Variants in OSBPL1A observed in about 807,000 individuals in gnomAD.
The protein encoded by OSBPL1A is oxysterol binding protein like 1A.
Under a neutral mutation model 137.1 loss-of-function variants are expected in OSBPL1A, and 80 were observed. That is an observed-to-expected ratio of 0.58 (90% CI 0.49 to 0.70). OSBPL1A has a LOEUF of 0.70. Ranked by LOEUF, OSBPL1A falls within the 30% of genes least tolerant of loss-of-function variation. The pLI is 0.00. For synonymous variants in OSBPL1A, 365 were observed against 389.7 expected, an observed-to-expected ratio of 0.94 and a Z score of 0.75; for missense variants, 970 against 1,129.4, an observed-to-expected ratio of 0.86 and a Z score of 2.02.
intron 18 of OSBPL1A, among the ~76,000 whole-genome samples, chr18:24,184,693 A>G (rs1447630870): frequency 6.6e-6 from 1 of 152,184 alleles, no homozygotes; most frequent in African/African-American, 2.4e-5. Flanking sequence ...GGAAACGGAC[A>G]CTATCTTATA....
intron 17 of OSBPL1A, among the ~76,000 whole-genome samples, chr18:24,208,379 C>T (rs756334736): frequency 3.9e-5 from 6 of 152,068 alleles, no homozygotes; most frequent in Non-Finnish European, 5.9e-5. Flanking sequence ...GCAGAAAAGC[C>T]TAGCAATCTC....
intron 2 of OSBPL1A, chr18:24,368,617 G>A (rs1488961404): frequency 2.8e-6 from 1 of 357,352 alleles, no homozygotes; most frequent in Non-Finnish European, 5.2e-6. Context: ...GACAGGACGG[G>A]GGTTACATTC....
rs974796308 is a variant in OSBPL1A, at chr18:24,188,283, C to T, written c.1678-7004G>A. ...ACTGCCATTTCTCCACATCCAGCTC[C>T]GTGGGAAAACACAGCACGGCAGGAT... is the stretch of plus-strand genomic sequence containing the variant. On this transcript the variant is annotated intron_variant, in intron 18 of 27. Transcript: ENST00000319481. Among the ~76,000 whole-genome samples the T allele has an allele frequency of 4.6e-5, 7 of 152,190 alleles. No homozygotes were observed. In the East Asian group the frequency reaches 9.6e-4, roughly 21 times the overall value.
In OSBPL1A at chr18:24,182,819, T is replaced by G. The variant is rs116627827; in HGVS notation, c.1678-1540A>C. On this transcript the variant is annotated intron_variant, in intron 18 of 27. Coordinates refer to ENST00000319481, the MANE Select transcript of OSBPL1A (RefSeq NM_080597.4). ...TACTGGGGACAAGTCAGAAAAACTG[T>G]GACTGCTAAGGCTTGTCTTAATTGA... Among the ~76,000 whole-genome samples the G allele has an allele frequency of 6.3e-3, 957 of 152,250 alleles. 19 individuals carry two copies. Among genetic ancestry groups the G allele is most frequent in the African/African-American group, 0.022 (909 of 41,562 alleles).
intron 13 of OSBPL1A, among the ~76,000 whole-genome samples, chr18:24,304,212 T>C (rs1174326792): frequency 1.3e-5 from 2 of 152,122 alleles, no homozygotes; most frequent in African/African-American, 4.8e-5. Flanking sequence ...CCCCACATCA[T>C]CAAACCAAAA....
chr18:24,178,187 A>T lies in OSBPL1A; in HGVS notation c.1919T>A (p.Leu640His). ...CTGTTCGGAGATGAGTCTAAATCCA[A>T]GGTCATCTCTTAAGATTTAAAAAAA... ...GETYELVRDD[L>H]GFRLISEQVS... The change falls in exon 21 of 28, where the codon CTT becomes CAT. Residue 640 changes from leucine (L) to histidine (H), a missense_variant. Leu to His is a moderately conservative substitution (Grantham distance 99). This residue lies in a region of OSBPL1A where 323 missense variants were observed against 456.8 expected (regional missense o/e 0.71). Transcript: ENST00000319481. 1 of 1,549,766 alleles carries T rather than the reference A, an allele frequency of 6.5e-7. No individual in the cohort carries two copies. Among genetic ancestry groups the T allele is most frequent in the South Asian group, 1.2e-5 (1 of 80,848 alleles).
Position 24,375,687 on chromosome 18 carries a change from G to A in OSBPL1A, c.121+1726C>T, listed in dbSNP as rs78198687. On this transcript the variant is annotated intron_variant, in intron 2 of 27. Coordinates refer to ENST00000319481, the MANE Select transcript of OSBPL1A (RefSeq NM_080597.4). The stretch of plus-strand genomic sequence containing the variant: ...ACTTCCAGATCCTGGTACCTATTTT[G>A]TAATGCAGACTAGTCTGATCTGTTA... 1.2e-3 allele frequency among the ~76,000 whole-genome samples: 182 copies of A among 152,194 alleles called. 1 individual carries two copies. The highest frequency in any genetic ancestry group is 4.3e-3 in the African/African-American group (178 of 41,502).
intron 15 of OSBPL1A, among the ~76,000 whole-genome samples, chr18:24,251,743 C>T (rs982719076): frequency 6.6e-6 from 1 of 151,964 alleles, no homozygotes; most frequent in Non-Finnish European, 1.5e-5. Flanking sequence ...CAGCAGGGGC[C>T]GATCCTGGAG....
chr18:24,336,423 G>A (rs912536772), intron 5 of OSBPL1A, among the ~76,000 whole-genome samples: 1 of 152,030 alleles, frequency 6.6e-6, no homozygotes, highest in African/African-American at 2.4e-5. Context: ...TAAAACTGCT[G>A]ATTACATCAA....
At position 24,167,460 on chromosome 18, in the gene OSBPL1A, C is replaced by T. The variant is rs752415432; in HGVS notation, c.2419-15G>A. The T allele has an allele frequency of 1.2e-6, 2 of 1,604,146 alleles. No individual in the cohort carries two copies. The highest frequency in any genetic ancestry group is 2.7e-5 in the African/African-American group (2 of 74,726). On this transcript the variant is annotated splice_polypyrimidine_tract_variant and intron_variant, in intron 24 of 27. Transcript: ENST00000319481. ...GAGGTGCTCATCTAGAAAAACCAAT[C>T]AATGAACAAAATTTAAGTAGAAAGT...
At chr18:24,186,291 C>T (rs892375960) in intron 18 of OSBPL1A, among the ~76,000 whole-genome samples, 3 of 152,012 alleles carry the variant, frequency 2.0e-5, no homozygotes, top group Admixed American at 6.5e-5. Flanking sequence ...TGGTACTAGA[C>T]ACAAACAATG....
At chr18:24,182,702 A>T (rs2086638850) in intron 18 of OSBPL1A, among the ~76,000 whole-genome samples, 1 of 152,150 alleles carries the variant, frequency 6.6e-6, no homozygotes, top group African/African-American at 2.4e-5. Context: ...CTGCTGCATC[A>T]CTGGGGAGAT....
intron 7 of OSBPL1A, among the ~76,000 whole-genome samples, chr18:24,328,182 C>G (rs1173889366): frequency 2.0e-5 from 3 of 148,894 alleles, no homozygotes; most frequent in Non-Finnish European, 4.4e-5. Flanking sequence ...GCTGGGACTA[C>G]CAGGTACGTG....
intron 23 of OSBPL1A, 89 bp from the exon 24 acceptor site, chr18:24,170,542 C>G (rs998301340): frequency 8.7e-6 from 13 of 1,490,678 alleles, no homozygotes; most frequent in Non-Finnish European, 1.2e-5. Context: ...GGTCTCCCAT[C>G]CGAGTACTAA....
At chr18:24,166,730 AAATATGCCAAGGCAT>A in intron 25 of OSBPL1A, 28 bp from the exon 26 acceptor site, 1 of 1,601,044 alleles carries the variant, frequency 6.2e-7, no homozygotes, top group Non-Finnish European at 8.5e-7. Flanking sequence ...GAAGAAATTA[AAATATGCCAAGGCAT>A]AATGCAAAAT....
rs2086282554 is a variant in OSBPL1A at position 24,171,413 on chromosome 18, T to C, written c.2287A>G (p.Lys763Glu). Residue 763 changes from lysine (K) to glutamate (E), a missense_variant, in exon 23 of 28, where the codon AAA (lysine) becomes GAA (glutamate). Physicochemically the swap from Lys to Glu is moderately conservative, Grantham distance 56. Coordinates refer to ENST00000319481, the MANE Select transcript of OSBPL1A (RefSeq NM_080597.4). Reference sequence around the variant, plus strand: ...CATTTAAAAGAGAAATTTTACCTTTTATCTTGAATGTAGCCTTCAACTTTG... The same window carrying C: ...CATTTAAAAGAGAAATTTTACCTTTCATCTTGAATGTAGCCTTCAACTTTG... Reference protein sequence around the residue: ...LHKVEGYIQDKSKKKLCALYG... With the variant: ...LHKVEGYIQDESKKKLCALYG... 2 of 1,604,410 alleles carry C rather than the reference T, an allele frequency of 1.2e-6. No individual in the cohort carries two copies. Among genetic ancestry groups the C allele is most frequent in the African/African-American group, 1.3e-5 (1 of 74,366 alleles).
intron 16 of OSBPL1A, among the ~76,000 whole-genome samples, chr18:24,232,823 A>ACG: frequency 2.6e-5 from 1 of 38,068 alleles, no homozygotes; most frequent in Non-Finnish European, 7.3e-5. Context: ...GGAAAGATGA[A>ACG]TGATATGGCT....
intron 24 of OSBPL1A, 97 bp downstream of exon 24, chr18:24,170,230 A>G: frequency 3.6e-6 from 5 of 1,383,062 alleles, no homozygotes; most frequent in Non-Finnish European, 5.0e-6. Flanking sequence ...GGAAGAAGAA[A>G]GTTAAACTGT....
chr18:24,228,344 G>A (rs574035359), intron 16 of OSBPL1A, among the ~76,000 whole-genome samples: 51 of 141,824 alleles, frequency 3.6e-4, no homozygotes, highest in African/African-American at 1.2e-3. Flanking sequence ...CAAACCTCTC[G>A]CTATAATATA....
Sources: allele counts gnomAD v4.1 joint callset (sites outside exome capture counted in the v4.1 genomes callset), GRCh38; gene constraint gnomAD v4.1.1; regional missense constraint gnomAD v4.1.1; transcripts MANE v1.5; gene names NCBI Gene and HGNC (gene_info 2026-07-23, HGNC 2026-07-21).